Variants in GALNT2 observed in about 807,000 individuals in gnomAD.
The protein encoded by GALNT2 is polypeptide N-acetylgalactosaminyltransferase 2.
GALNT2 carries 31 observed loss-of-function variants against 81.4 expected under a neutral mutation model. The observed-to-expected ratio is 0.38, with a 90% confidence interval of 0.29 to 0.51. The LOEUF (loss-of-function observed/expected upper bound fraction) is 0.51. Among genes scored for constraint, GALNT2 ranks in the 20% least tolerant of loss-of-function variants. GALNT2 has a pLI of 0.87. For missense variants in GALNT2, 629 were observed against 765.7 expected (o/e 0.82, Z 2.11); for synonymous variants, 303 against 287.4 (o/e 1.05, Z -0.55).
intron 2 of GALNT2, among the ~76,000 whole-genome samples, chr1:230,195,785 G>A (rs1663674431): frequency 6.6e-6 from 1 of 152,150 alleles, no homozygotes; most frequent in Non-Finnish European, 1.5e-5. Context: ...TGGAGGAGGA[G>A]GGAGCGCTGG....
At chr1:230,264,923 T>C (rs1665986799) in intron 13 of GALNT2, 1 of 248,448 alleles carries the variant, frequency 4.0e-6, no homozygotes, top group African/African-American at 2.3e-5. Flanking sequence ...TCTAAATGAC[T>C]TCCAATAAGA....
intron 10 of GALNT2, 152 bp from the exon 11 acceptor site, chr1:230,255,066 G>C (rs761785224): frequency 1.9e-4 from 194 of 1,038,520 alleles, no homozygotes; most frequent in Non-Finnish European, 2.5e-4. Context: ...CTGGAAGGAG[G>C]AAGGTCCTTA....
chr1:230,239,521 G>A (rs1365669557), intron 6 of GALNT2, among the ~76,000 whole-genome samples: 7 of 152,212 alleles, frequency 4.6e-5, no homozygotes, highest in African/African-American at 2.4e-5. Context: ...AGCATCCAGC[G>A]TGGAAGAAAG....
intron 1 of GALNT2, among the ~76,000 whole-genome samples, chr1:230,130,583 C>T (rs753971363): frequency 7.9e-5 from 12 of 152,142 alleles, no homozygotes; most frequent in South Asian, 2.1e-4. Flanking sequence ...TCAGGAACAC[C>T]GGGCCCTGGG....
intron 1 of GALNT2, among the ~76,000 whole-genome samples, chr1:230,102,723 G>A (rs914484996): frequency 1.3e-5 from 2 of 152,064 alleles, no homozygotes; most frequent in Non-Finnish European, 2.9e-5. Context: ...TAAAAAAAAA[G>A]CGAACAGATT....
intron 1 of GALNT2, among the ~76,000 whole-genome samples, chr1:230,105,954 C>A (rs1286870011): frequency 6.6e-6 from 1 of 152,202 alleles, no homozygotes; most frequent in Non-Finnish European, 1.5e-5. Flanking sequence ...CACCTTTACT[C>A]AACATTTCTG....
Position 230,139,564 on chromosome 1 carries a change from G to A in GALNT2, c.127-38654G>A, listed in dbSNP as rs540307454. 2.6e-5 allele frequency among the ~76,000 whole-genome samples: 4 copies of A among 152,356 alleles called. No homozygotes were observed. In the East Asian group the frequency reaches 7.7e-4, roughly 29 times the overall value. ...TGGGCCTGGAGGGGAGCCACTGTAA[G>A]CCTATCAGGCAGTCCAGAACCAGCA... On this transcript the variant is annotated intron_variant, in intron 1 of 15. Coordinates refer to ENST00000366672, the MANE Select transcript of GALNT2 (RefSeq NM_004481.5).
At chr1:230,245,226 G>A (rs1339774647) in intron 7 of GALNT2, among the ~76,000 whole-genome samples, 1 of 152,052 alleles carries the variant, frequency 6.6e-6, no homozygotes, top group Non-Finnish European at 1.5e-5. Context: ...CACTTTGGGA[G>A]GCCGAGGCAG....
At chr1:230,242,345 C>T (rs988590333) in intron 6 of GALNT2, among the ~76,000 whole-genome samples, 1 of 152,008 alleles carries the variant, frequency 6.6e-6, no homozygotes, top group African/African-American at 2.4e-5. Flanking sequence ...GTCTTTTTCC[C>T]TGTTCTAGCA....
intron 1 of GALNT2, among the ~76,000 whole-genome samples, chr1:230,153,384 A>C (rs887647843): frequency 2.6e-5 from 4 of 152,212 alleles, no homozygotes; most frequent in Non-Finnish European, 4.4e-5. Flanking sequence ...CTACACACTT[A>C]AACAGTCATT....
At chr1:230,178,421 C>A in intron 2 of GALNT2, 110 bp downstream of exon 2, 1 of 723,866 alleles carries the variant, frequency 1.4e-6, no homozygotes. Context: ...TTCCATAGGT[C>A]AGCAGGAGAC....
chr1:230,263,079 G>A, intron 13 of GALNT2, 74 bp downstream of exon 13: 1 of 1,244,316 alleles, frequency 8.0e-7, no homozygotes, highest in African/African-American at 1.5e-5. Flanking sequence ...GCAGCAGAGG[G>A]GAAATGGAGG....
intron 3 of GALNT2, among the ~76,000 whole-genome samples, chr1:230,225,684 T>G (rs1250112568): frequency 6.7e-6 from 1 of 149,484 alleles, no homozygotes; most frequent in Non-Finnish European, 1.5e-5. Flanking sequence ...GTTTTTTTGT[T>G]TTTTTTTTTT....
chr1:230,210,870 G>A (rs572515419), intron 3 of GALNT2, among the ~76,000 whole-genome samples: 1 of 152,322 alleles, frequency 6.6e-6, no homozygotes, highest in South Asian at 2.1e-4. Flanking sequence ...TCAGGATTAA[G>A]GATTGTGGGG....
In GALNT2 at chr1:230,232,141, G is replaced by A. The variant is rs1232787751; in HGVS notation, c.375-3873G>A. 2.0e-5 allele frequency among the ~76,000 whole-genome samples: 3 copies of A among 152,014 alleles called. No homozygotes were observed. In the East Asian group the frequency reaches 5.8e-4, roughly 29 times the overall value. ...TCTTTTTAAAGACATGTTTCAAGCC[G>A]ACCCCACCTTCTTGGCTCAATGTGA... On this transcript the variant is annotated intron_variant, in intron 3 of 15. Coordinates refer to ENST00000366672, the MANE Select transcript of GALNT2 (RefSeq NM_004481.5).
At chr1:230,149,722 A>T (rs1458917199) in intron 1 of GALNT2, among the ~76,000 whole-genome samples, 4 of 152,212 alleles carry the variant, frequency 2.6e-5, no homozygotes, top group Non-Finnish European at 5.9e-5. Context: ...AAACAGATAC[A>T]TTGAATCATT....
At chr1:230,094,053 A>C (rs1425833406) in intron 1 of GALNT2, among the ~76,000 whole-genome samples, 2 of 152,076 alleles carry the variant, frequency 1.3e-5, no homozygotes, top group African/African-American at 4.8e-5. Flanking sequence ...CCAGGCTGGA[A>C]TGCAGTGGCA....
At chr1:230,158,176 G>A (rs756883036) in intron 1 of GALNT2, among the ~76,000 whole-genome samples, 4 of 152,158 alleles carry the variant, frequency 2.6e-5, no homozygotes, top group Admixed American at 6.5e-5. Flanking sequence ...GAGAGCCCTC[G>A]GGAGGCCCGG....
At position 230,190,356 on chromosome 1, in the gene GALNT2, G is replaced by A. The variant is rs74143121; in HGVS notation, c.220+12045G>A. Among the ~76,000 whole-genome samples, 214 of 152,286 alleles carry A rather than the reference G, an allele frequency of 1.4e-3. 1 individual carries two copies. Among genetic ancestry groups the A allele is most frequent in the African/African-American group, 5.0e-3 (208 of 41,548 alleles). ...AAGGGGTCTCCTCTGCATGGGATGC[G>A]CCAAGACCCACGCACTTGAAGCCTC... On this transcript the variant is annotated intron_variant, in intron 2 of 15. Coordinates refer to ENST00000366672, the MANE Select transcript of GALNT2 (RefSeq NM_004481.5).
Sources: gnomAD v4.1 joint callset for allele counts (sites outside exome capture counted in the v4.1 genomes callset) on GRCh38, gnomAD v4.1.1 for gene constraint, MANE v1.5 for transcripts, NCBI Gene and HGNC (gene_info 2026-07-23, HGNC 2026-07-21) for gene names.